The following ZNF266 variants were observed in gnomAD, a reference collection of about 807,000 sequenced individuals.
ZNF266 encodes the protein zinc finger protein 1.
Under a neutral mutation model 16.4 loss-of-function variants are expected in ZNF266, and 16 were observed. That is an observed-to-expected ratio of 0.98 (90% CI 0.66 to 1.48). The LOEUF (loss-of-function observed/expected upper bound fraction) is 1.48, where lower values mean the gene tolerates loss of function less well. Among genes scored for constraint, ZNF266 ranks in the 40% most tolerant of loss-of-function variants. The probability of loss-of-function intolerance (pLI) is 0.00; values close to 1 mark genes in which losing one functional copy is unlikely to be tolerated. For missense variants in ZNF266, 738 were observed against 689.1 expected (o/e 1.07, Z -0.79); for synonymous variants, 262 against 237.9 (o/e 1.10, Z -0.93).
intron 5 of ZNF266, chr19:9,420,889 A>C (rs1318722529): frequency 1.3e-5 from 2 of 151,864 alleles, no homozygotes; most frequent in African/African-American, 4.9e-5. Context: ...CCTGACACCC[A>C]ATCTGTGGCT....
Position 9,412,448 on chromosome 19 carries a change from T to C in ZNF266, c.*827A>G, listed in dbSNP as rs1398654592. On this transcript the variant is annotated 3_prime_UTR_variant, in exon 11 of 11. Transcript: ENST00000592904. ...AAAAAATAATCACAAAAAAATTTTATTATGTTTGAAGAAAGCTTAAAAATT... is the reference window on the plus strand; with the variant it reads ...AAAAAATAATCACAAAAAAATTTTACTATGTTTGAAGAAAGCTTAAAAATT... 1.3e-5 allele frequency: 2 copies of C among 152,240 alleles called. No homozygotes were observed. The highest frequency in any genetic ancestry group is 2.9e-5 in the Non-Finnish European group (2 of 68,050). 9.4% of individuals were successfully genotyped at this position (152,240 alleles called of 1,614,324 possible).
Position 9,435,186 on chromosome 19 carries a change from CGTT to C in ZNF266, c.-553_-551del, listed in dbSNP as rs1461132680. 1.3e-5 allele frequency: 2 copies of C among 151,928 alleles called. No homozygotes were observed. The highest frequency in any genetic ancestry group is 1.9e-4 in the East Asian group (1 of 5,170). The allele number at this position is 151,928 out of a possible 1,614,324, so 9.4% of individuals were successfully genotyped here. On this transcript the variant is annotated 5_prime_UTR_variant, in exon 2 of 11. Transcript: ENST00000592904. The stretch of plus-strand genomic sequence containing the variant: ...CAACCTGATTCGAACGACGAAAACT[CGTT>C]GTTTCTGGAAAAAAAAAAGTCACAA...
At chr19:9,432,537 A>C (rs2123500101) in intron 5 of ZNF266, among the ~76,000 whole-genome samples, 1 of 152,304 alleles carries the variant, frequency 6.6e-6, no homozygotes, top group East Asian at 1.9e-4. Flanking sequence ...GGAAACTGAG[A>C]CTTTAAGCGA....
At chr19:9,415,811 G>T in intron 9 of ZNF266, 69 bp from the exon 10 acceptor site, 1 of 1,311,458 alleles carries the variant, frequency 7.6e-7, no homozygotes, top group Non-Finnish European at 1.1e-6. Context: ...AAAATGAGAG[G>T]GATCATTTGT....
At chr19:9,417,476 C>A (rs1036543465) in intron 9 of ZNF266, among the ~76,000 whole-genome samples, 3 of 152,214 alleles carry the variant, frequency 2.0e-5, no homozygotes, top group African/African-American at 7.2e-5. Flanking sequence ...CGCCTGTAAT[C>A]CCAGCACTTT....
chr19:9,430,701 C>T (rs2071458897), intron 5 of ZNF266, among the ~76,000 whole-genome samples: 1 of 152,162 alleles, frequency 6.6e-6, no homozygotes, highest in Non-Finnish European at 1.5e-5. Context: ...CTCACTGACC[C>T]CAAACCCAAC....
intron 5 of ZNF266, among the ~76,000 whole-genome samples, chr19:9,429,242 C>T (rs1229062418): frequency 1.3e-5 from 2 of 152,106 alleles, no homozygotes; most frequent in Admixed American, 1.3e-4. Flanking sequence ...CAATCTTGCC[C>T]CCATCCCACA....
intron 7 of ZNF266, 22 bp from the exon 8 acceptor site, chr19:9,418,653 G>A (rs951361455): frequency 1.7e-6 from 2 of 1,182,700 alleles, no homozygotes; most frequent in Admixed American, 1.7e-5. Flanking sequence ...CACACATGCT[G>A]GCTTGAGCCA....
intron 5 of ZNF266, among the ~76,000 whole-genome samples, chr19:9,421,958 C>T (rs1162679545): frequency 6.6e-6 from 1 of 152,146 alleles, no homozygotes; most frequent in African/African-American, 2.4e-5. Context: ...TCACGCCATT[C>T]TCCTGCCTCA....
In ZNF266 at chr19:9,414,472, T is replaced by C. The variant is rs182469384; in HGVS notation, c.654A>G (p.Thr218=). 1.9e-6 allele frequency: 3 copies of C among 1,614,096 alleles called. No individual in the cohort carries two copies. Among genetic ancestry groups the C allele is most frequent in the African/African-American group, 2.7e-5 (2 of 74,934 alleles). Residue 218 remains threonine, a synonymous_variant, in exon 11 of 11, where the codon ACA becomes ACG. Transcript: ENST00000592904. ...CACTGCAATCAAAAGCTTTCTCTCCTGTGCACGTTCTCTGGCAAACAACAT... is the reference window on the plus strand; with the variant it reads ...CACTGCAATCAAAAGCTTTCTCTCCCGTGCACGTTCTCTGGCAAACAACAT... ...NPDVVCQRTC[T]GEKAFDCSDS... is the part of the protein sequence containing the mutation.
At chr19:9,416,723 G>A (rs2069082806) in intron 9 of ZNF266, among the ~76,000 whole-genome samples, 1 of 126,852 alleles carries the variant, frequency 7.9e-6, no homozygotes, top group African/African-American at 3.1e-5. Flanking sequence ...CCCAGCTGGA[G>A]TTCAGCGGCA....
chr19:9,414,397 T>A lies in ZNF266; in HGVS notation c.729A>T (p.Arg243Ser). The change falls in exon 11 of 11, where the codon AGA (arginine) becomes AGT (serine). Residue 243 changes from arginine to serine, a missense_variant. Arg to Ser is a moderately radical substitution (Grantham distance 110). Coordinates refer to ENST00000592904, the MANE Select transcript of ZNF266 (RefSeq NM_001370374.1). ...CATGGAGACTTTCTCCATTGTGAGT[T>A]CTTAAATGTCCCTGAAGGTGTGAAT... Reference protein sequence around the residue: ...INHSHLQGHLRTHNGESLHEW... With the variant: ...INHSHLQGHLSTHNGESLHEW... The A allele has an allele frequency of 6.2e-7, 1 of 1,614,218 alleles. No homozygotes were observed. Among genetic ancestry groups the A allele is most frequent in the Non-Finnish European group, 8.5e-7 (1 of 1,180,044 alleles).
rs181006973 is a variant in ZNF266, at chr19:9,427,759, G to A, written c.-130+5909C>T. Reference sequence around the variant, plus strand: ...GTCATCACATACGATCTTTGCAAACGAGATCTTAACAACATCCACCTTCTC... The same window carrying A: ...GTCATCACATACGATCTTTGCAAACAAGATCTTAACAACATCCACCTTCTC... On this transcript the variant is annotated intron_variant, in intron 5 of 10. Coordinates refer to ENST00000592904, the MANE Select transcript of ZNF266 (RefSeq NM_001370374.1). Among the ~76,000 whole-genome samples, 470 of 152,068 alleles carry A rather than the reference G, an allele frequency of 3.1e-3. 1 individual carries two copies. The highest frequency in any genetic ancestry group is 0.011 in the African/African-American group (439 of 41,468).
intron 9 of ZNF266, 141 bp downstream of exon 9, chr19:9,417,687 G>A: frequency 5.2e-6 from 3 of 575,904 alleles, no homozygotes; most frequent in South Asian, 2.6e-5. Context: ...GGCGGAGGTT[G>A]CAGTGAGCTG....
intron 8 of ZNF266, 118 bp downstream of exon 8, chr19:9,418,387 A>G: frequency 8.9e-7 from 1 of 1,123,052 alleles, no homozygotes; most frequent in South Asian, 1.3e-5. Context: ...CTATTAGGGC[A>G]GGGACTATGT....
chr19:9,422,670 A>C (rs1398905828), intron 5 of ZNF266, among the ~76,000 whole-genome samples: 2 of 152,182 alleles, frequency 1.3e-5, no homozygotes, highest in Non-Finnish European at 2.9e-5. Flanking sequence ...GCTTTCCCCG[A>C]GTCCAATGAC....
chr19:9,413,427 A>AT lies in ZNF266; in HGVS notation c.1698dup (p.Ser567IlefsTer12). The AT allele has an allele frequency of 6.2e-7, 1 of 1,611,998 alleles. No homozygotes were observed. Among genetic ancestry groups the AT allele is most frequent in the Non-Finnish European group, 8.5e-7 (1 of 1,179,472 alleles). On this transcript the variant is annotated frameshift_variant, in exon 11 of 11. Transcript: ENST00000592904. LOFTEE classifies it low-confidence loss of function (END_TRUNC). ...TGAAACGAATTGGAGTAACTGAAGG[A>AT]TTTCCCACACTGTTTACATTTGTAG...
At chr19:9,414,781 T>G (rs372436097) in intron 10 of ZNF266, 61 bp from the exon 11 acceptor site, 60 of 1,475,882 alleles carry the variant, frequency 4.1e-5, no homozygotes, top group Non-Finnish European at 5.4e-5. Flanking sequence ...CAGATTCCAC[T>G]CATCTGAAGA....
chr19:9,424,168 A>G (rs2070354351), intron 5 of ZNF266, among the ~76,000 whole-genome samples: 1 of 150,398 alleles, frequency 6.6e-6, no homozygotes. Context: ...GCATTGGAAC[A>G]GGAGACTGCC....
Sources: gnomAD v4.1 joint callset for allele counts (sites outside exome capture counted in the v4.1 genomes callset) on GRCh38, gnomAD v4.1.1 for gene constraint, MANE v1.5 for transcripts, NCBI Gene and HGNC (gene_info 2026-07-23, HGNC 2026-07-21) for gene names.